Variants in TFDP2 observed in about 807,000 individuals in gnomAD.
TFDP2 encodes the protein transcription factor Dp-2.
In TFDP2, 17 loss-of-function variants were observed where a neutral mutation model predicts 59.3. The observed-to-expected ratio is 0.29, with a 90% CI of 0.20 to 0.43. The LOEUF (loss-of-function observed/expected upper bound fraction) is 0.43, where lower values mean the gene tolerates loss of function less well. TFDP2 is among the 20% of genes least tolerant of loss of function. The probability of loss-of-function intolerance (pLI) is 1.00; values close to 1 mark genes in which losing one functional copy is unlikely to be tolerated. For missense variants in TFDP2, 391 were observed against 528.8 expected, an observed-to-expected ratio of 0.74 and a Z score of 2.56; for synonymous variants, 180 against 194.7, an observed-to-expected ratio of 0.92 and a Z score of 0.63.
chr3:142,018,563 A>T (rs1945326349), intron 3 of TFDP2, among the ~76,000 whole-genome samples: 3 of 151,986 alleles, frequency 2.0e-5, no homozygotes, highest in African/African-American at 7.3e-5. Context: ...CCAGGGTTCA[A>T]GTCATCCTTC....
chr3:142,031,021 C>T lies in TFDP2; in HGVS notation c.83-25477G>A, dbSNP rs570968226. Among the ~76,000 whole-genome samples, 17 of 152,168 alleles carry T rather than the reference C, an allele frequency of 1.1e-4. No homozygotes were observed. The East Asian group carries it at 3.3e-3, about 29-fold the overall frequency. On this transcript the variant is annotated intron_variant, in intron 3 of 12. Coordinates refer to ENST00000489671, the MANE Select transcript of TFDP2 (RefSeq NM_001178139.2). ...CCTCCCAAAGTGCTGGGATTACAGG[C>T]GTGAGCCACCGCGCCCGGCGTATTC... is the stretch of plus-strand genomic sequence containing the variant.
At chr3:142,082,038 G>A (rs560119650) in intron 3 of TFDP2, among the ~76,000 whole-genome samples, 7 of 152,266 alleles carry the variant, frequency 4.6e-5, no homozygotes, top group South Asian at 2.1e-4. Flanking sequence ...AGTGGCGGGC[G>A]AGTGAAAGCA....
At chr3:142,061,898 A>G (rs1269734021) in intron 3 of TFDP2, among the ~76,000 whole-genome samples, 2 of 60,942 alleles carry the variant, frequency 3.3e-5, no homozygotes, top group South Asian at 1.0e-3. Flanking sequence ...CTACACACAC[A>G]CACACACACA....
At chr3:142,010,308 T>C (rs1287802401) in intron 3 of TFDP2, among the ~76,000 whole-genome samples, 2 of 152,152 alleles carry the variant, frequency 1.3e-5, no homozygotes, top group African/African-American at 4.8e-5. Flanking sequence ...TTGATTTTAA[T>C]AATTAAAAAA....
chr3:142,014,211 AC>A (rs1944945639), intron 3 of TFDP2, among the ~76,000 whole-genome samples: 2 of 152,166 alleles, frequency 1.3e-5, no homozygotes, highest in Non-Finnish European at 2.9e-5. Flanking sequence ...TGGCACTATC[AC>A]AGCTCACTGC....
chr3:142,007,402 T>C (rs1368247106), intron 3 of TFDP2, among the ~76,000 whole-genome samples: 1 of 152,110 alleles, frequency 6.6e-6, no homozygotes, highest in Non-Finnish European at 1.5e-5. Context: ...CTTCACTCCA[T>C]CTCCTCCTCA....
At chr3:141,997,555 GA>G (rs149131829) in intron 4 of TFDP2, among the ~76,000 whole-genome samples, 7 of 147,362 alleles carry the variant, frequency 4.8e-5, no homozygotes, top group Admixed American at 1.4e-4. Flanking sequence ...GGACTTTGTA[GA>G]AAAAAAAAAG....
intron 6 of TFDP2, among the ~76,000 whole-genome samples, chr3:141,987,667 C>T (rs923151769): frequency 2.7e-5 from 4 of 150,402 alleles, no homozygotes; most frequent in Admixed American, 2.0e-4. Context: ...GTGGTTCATG[C>T]CTGTAATCCC....
chr3:142,136,155 G>T (rs1035443642), intron 1 of TFDP2, among the ~76,000 whole-genome samples: 27 of 152,090 alleles, frequency 1.8e-4, no homozygotes, highest in Non-Finnish European at 5.9e-5. Flanking sequence ...GATGACCAGT[G>T]ATGATGAGCA....
chr3:141,979,636 T>A (rs1197835816), intron 6 of TFDP2, among the ~76,000 whole-genome samples: 1 of 152,148 alleles, frequency 6.6e-6, no homozygotes, highest in East Asian at 1.9e-4. Context: ...TCCCCTAGGC[T>A]GGAGTGCAGT....
At chr3:141,968,295 A>AACTATATAACATATAAT (rs1938481744) in intron 9 of TFDP2, among the ~76,000 whole-genome samples, 1 of 120,810 alleles carries the variant, frequency 8.3e-6, no homozygotes, top group Non-Finnish European at 1.6e-5. Flanking sequence ...CAATATATAT[A>AACTATATAACATATAAT]ATATATAATA....
intron 8 of TFDP2, 137 bp from the exon 9 acceptor site, chr3:141,970,278 T>C (rs1939513431): frequency 1.4e-6 from 1 of 738,830 alleles, no homozygotes. Context: ...TAAAGACAAA[T>C]CATATCTTTG....
chr3:142,066,434 C>T (rs2060075892), intron 3 of TFDP2, among the ~76,000 whole-genome samples: 1 of 152,170 alleles, frequency 6.6e-6, no homozygotes, highest in Admixed American at 6.5e-5. Flanking sequence ...CCTTAAGGTG[C>T]TCAGAATACT....
At chr3:142,034,145 G>C (rs1448092869) in intron 3 of TFDP2, among the ~76,000 whole-genome samples, 1 of 146,932 alleles carries the variant, frequency 6.8e-6, no homozygotes, top group African/African-American at 2.5e-5. Context: ...GCCCAGGCTG[G>C]AGTGCAATGG....
chr3:141,984,343 C>A (rs186980320), intron 6 of TFDP2, among the ~76,000 whole-genome samples: 163 of 152,098 alleles, frequency 1.1e-3, no homozygotes, highest in Non-Finnish European at 1.7e-3. Context: ...ACTAAAAATA[C>A]AAAAATTAGC....
At chr3:142,072,182 G>A (rs1264528822) in intron 3 of TFDP2, among the ~76,000 whole-genome samples, 1 of 152,220 alleles carries the variant, frequency 6.6e-6, no homozygotes, top group Non-Finnish European at 1.5e-5. Flanking sequence ...TGCTTACTAT[G>A]TGCTACGCAT....
intron 1 of TFDP2, among the ~76,000 whole-genome samples, chr3:142,130,242 C>T (rs531951190): frequency 6.8e-4 from 103 of 152,142 alleles, no homozygotes; most frequent in African/African-American, 2.4e-3. Flanking sequence ...GTAACATATA[C>T]ATAGAGTATT....
chr3:141,993,261 C>T (rs1433499413), intron 6 of TFDP2, among the ~76,000 whole-genome samples: 1 of 151,830 alleles, frequency 6.6e-6, no homozygotes, highest in Non-Finnish European at 1.5e-5. Flanking sequence ...GTGGAGTATT[C>T]ACTTTGATAG....
Position 142,105,869 on chromosome 3 carries a change from C to G in TFDP2, c.-92-4028G>C, listed in dbSNP as rs115480928. Among the ~76,000 whole-genome samples, 774 of 152,180 alleles carry G rather than the reference C, an allele frequency of 5.1e-3. 11 individuals carry two copies. Among genetic ancestry groups the G allele is most frequent in the African/African-American group, 0.018 (733 of 41,498 alleles). ...TCTCTGTGTCTCAATTTCTTCATCT[C>G]TAAAATAGTAAGAGTCAGCCACTTA... On this transcript the variant is annotated intron_variant, in intron 1 of 12. Coordinates refer to ENST00000489671, the MANE Select transcript of TFDP2 (RefSeq NM_001178139.2).
Sources: gnomAD v4.1 joint callset for allele counts (sites outside exome capture counted in the v4.1 genomes callset) on GRCh38, gnomAD v4.1.1 for gene constraint, MANE v1.5 for transcripts, NCBI Gene and HGNC (gene_info 2026-07-23, HGNC 2026-07-21) for gene names.